The following CTNNA3 variants were observed in gnomAD, a reference collection of about 807,000 sequenced individuals.
The protein encoded by CTNNA3 is catenin alpha-3.
A neutral mutation model predicts 95.7 loss-of-function variants in CTNNA3; 76 were observed. The observed-to-expected ratio is 0.79, with a 90% CI of 0.66 to 0.96. CTNNA3 has a LOEUF of 0.96. CTNNA3 is among the 40% of genes least tolerant of loss of function. CTNNA3 has a pLI of 0.00. For synonymous variants in CTNNA3, 431 were observed against 374.4 expected, an observed-to-expected ratio of 1.15 and a Z score of -1.74; for missense variants, 1,191 against 1,089.8, an observed-to-expected ratio of 1.09 and a Z score of -1.31.
At chr10:66,711,233 T>C (rs1340295878) in intron 9 of CTNNA3, among the ~76,000 whole-genome samples, 1 of 135,432 alleles carries the variant, frequency 7.4e-6, no homozygotes, top group Non-Finnish European at 1.5e-5. Context: ...AGAAACTTTT[T>C]CAGCCTTTCA....
At chr10:67,231,040 G>C (rs71611266) in intron 5 of CTNNA3, among the ~76,000 whole-genome samples, 10 of 152,256 alleles carry the variant, frequency 6.6e-5, no homozygotes, top group Middle Eastern at 3.4e-3. Flanking sequence ...ACCGAGTCTC[G>C]CTGATTGCTA....
intron 6 of CTNNA3, among the ~76,000 whole-genome samples, chr10:67,194,878 T>G (rs1205187597): frequency 6.6e-6 from 1 of 151,920 alleles, no homozygotes; most frequent in African/African-American, 2.4e-5. Flanking sequence ...TGCTCTAAAA[T>G]AAAGTCTTAA....
intron 13 of CTNNA3, among the ~76,000 whole-genome samples, chr10:66,165,652 C>G (rs747180797): frequency 2.0e-5 from 3 of 151,920 alleles, no homozygotes; most frequent in Non-Finnish European, 4.4e-5. Context: ...AGAGAAGGCA[C>G]TATAGATGTT....
chr10:66,545,371 T>C (rs1429864843), intron 10 of CTNNA3, among the ~76,000 whole-genome samples: 1 of 152,124 alleles, frequency 6.6e-6, no homozygotes, highest in Non-Finnish European at 1.5e-5. Context: ...GTGAGATTCA[T>C]CCAGATTGCT....
At chr10:66,709,994 T>C (rs1848240881) in intron 9 of CTNNA3, among the ~76,000 whole-genome samples, 1 of 152,168 alleles carries the variant, frequency 6.6e-6, no homozygotes, top group South Asian at 2.1e-4. Context: ...AAAATACTCA[T>C]AAAAATAAAT....
intron 13 of CTNNA3, among the ~76,000 whole-genome samples, chr10:66,116,607 T>C (rs1209891388): frequency 6.6e-6 from 1 of 152,058 alleles, no homozygotes; most frequent in Non-Finnish European, 1.5e-5. Context: ...TTATACTGAG[T>C]AAAAGAAGCT....
At chr10:66,840,595 T>G (rs1430840266) in intron 7 of CTNNA3, among the ~76,000 whole-genome samples, 1 of 152,164 alleles carries the variant, frequency 6.6e-6, no homozygotes, top group Non-Finnish European at 1.5e-5. Context: ...GTCTTGAAAG[T>G]GATGTGTCAT....
rs78179029 is a variant in CTNNA3 at position 67,458,927 on chromosome 10, A to G, written c.579+62915T>C. Reference sequence around the variant, plus strand: ...TCCCCAAGAACGTGGATTATTTCTCATGTGACTTTCTCAAACAACACTTTT... The same window carrying G: ...TCCCCAAGAACGTGGATTATTTCTCGTGTGACTTTCTCAAACAACACTTTT... On this transcript the variant is annotated intron_variant, in intron 5 of 17. Coordinates refer to ENST00000433211, the MANE Select transcript of CTNNA3 (RefSeq NM_013266.4). Among the ~76,000 whole-genome samples the G allele has an allele frequency of 4.3e-3, 650 of 152,286 alleles. 16 individuals are homozygous for G. The East Asian group carries it at 0.07, about 16-fold the overall frequency.
intron 3 of CTNNA3, among the ~76,000 whole-genome samples, chr10:67,581,908 C>T (rs1448726943): frequency 6.6e-6 from 1 of 151,830 alleles, no homozygotes; most frequent in Non-Finnish European, 1.5e-5. Flanking sequence ...TGATGATATC[C>T]CCTTTATCAT....
intron 5 of CTNNA3, among the ~76,000 whole-genome samples, chr10:67,480,819 C>T (rs991977279): frequency 7.9e-5 from 12 of 152,120 alleles, no homozygotes; most frequent in African/African-American, 2.2e-4. Context: ...ATTCCTCTAA[C>T]GCCGCTGGGT....
intron 3 of CTNNA3, among the ~76,000 whole-genome samples, chr10:67,577,078 A>G (rs1395942115): frequency 1.3e-5 from 2 of 150,724 alleles, no homozygotes; most frequent in Non-Finnish European, 2.9e-5. Flanking sequence ...CAGTAATGGG[A>G]TGGCTGGGTC....
At chr10:66,609,562 C>T (rs1047725408) in intron 10 of CTNNA3, among the ~76,000 whole-genome samples, 1 of 151,690 alleles carries the variant, frequency 6.6e-6, no homozygotes, top group Non-Finnish European at 1.5e-5. Flanking sequence ...TGCTATCTCA[C>T]ACCAGTCAGA....
At chr10:66,539,601 G>A (rs1841777169) in intron 10 of CTNNA3, among the ~76,000 whole-genome samples, 1 of 152,122 alleles carries the variant, frequency 6.6e-6, no homozygotes, top group Non-Finnish European at 1.5e-5. Context: ...GATCTATAGG[G>A]ACAGTCCTTT....
At chr10:66,553,530 T>G (rs1438147441) in intron 10 of CTNNA3, among the ~76,000 whole-genome samples, 1 of 125,350 alleles carries the variant, frequency 8.0e-6, no homozygotes, top group Non-Finnish European at 1.7e-5. Context: ...TTTTTTTTTT[T>G]TTTTTTTTTT....
intron 1 of CTNNA3, among the ~76,000 whole-genome samples, chr10:67,727,033 A>C (rs1381810371): frequency 2.6e-5 from 3 of 116,712 alleles, no homozygotes; most frequent in Non-Finnish European, 4.8e-5. Context: ...AATTATATAT[A>C]ATATATGATA....
At chr10:67,698,929 A>C (rs961005025), upstream of CTNNA3, among the ~76,000 whole-genome samples, 1 of 152,154 alleles carries the variant, frequency 6.6e-6, no homozygotes, top group Non-Finnish European at 1.5e-5. Context: ...CCTCACTAAG[A>C]AGAACAGAAG....
intron 11 of CTNNA3, among the ~76,000 whole-genome samples, chr10:66,463,634 A>T (rs1204896611): frequency 6.6e-6 from 1 of 152,104 alleles, no homozygotes; most frequent in African/African-American, 2.4e-5. Flanking sequence ...TATATGAAAA[A>T]TCATTTCCAT....
chr10:67,356,897 C>T (rs939916987), intron 5 of CTNNA3, among the ~76,000 whole-genome samples: 5 of 152,026 alleles, frequency 3.3e-5, no homozygotes, highest in African/African-American at 1.2e-4. Context: ...GAGAGGATTA[C>T]ACACCATCCT....
chr10:67,568,175 T>C (rs1471107195), intron 3 of CTNNA3, among the ~76,000 whole-genome samples: 1 of 152,080 alleles, frequency 6.6e-6, no homozygotes, highest in Non-Finnish European at 1.5e-5. Context: ...TTTATCTCTC[T>C]TTCTACATTT....
Sources: gnomAD v4.1 joint callset for allele counts (sites outside exome capture counted in the v4.1 genomes callset) on GRCh38, gnomAD v4.1.1 for gene constraint, MANE v1.5 for transcripts, NCBI Gene and HGNC (gene_info 2026-07-23, HGNC 2026-07-21) for gene names.